Variants in TMEM50A observed in about 807,000 individuals in gnomAD.
The protein encoded by TMEM50A is transmembrane protein 50A.
Under a neutral mutation model 23.9 loss-of-function variants are expected in TMEM50A, and 8 were observed. That is an observed-to-expected ratio of 0.33 (90% CI 0.20 to 0.60). TMEM50A has a LOEUF of 0.60. Ranked by LOEUF, TMEM50A falls within the 20% of genes least tolerant of loss-of-function variation. The pLI is 0.81. For synonymous variants in TMEM50A, 55 were observed against 60.4 expected (o/e 0.91, Z 0.41); for missense variants, 178 against 192.7 (o/e 0.92, Z 0.45).
At chr1:25,338,504 T>G (rs1168217260) in intron 1 of TMEM50A, 48 bp downstream of exon 1, 1 of 152,366 alleles carries the variant, frequency 6.6e-6, no homozygotes, top group Non-Finnish European at 1.5e-5. Context: ...GGCCGCAGGC[T>G]GGAGAGGCCT....
Position 25,352,890 on chromosome 1 carries a change from A to T in TMEM50A, c.283A>T (p.Ile95Phe), listed in dbSNP as rs759721790. The change falls in exon 5 of 7, where the codon ATT (isoleucine) becomes TTT (phenylalanine). Residue 95 changes from isoleucine (I) to phenylalanine (F), a missense_variant. Ile to Phe is a conservative substitution (Grantham distance 21). Coordinates refer to ENST00000374358, the MANE Select transcript of TMEM50A (RefSeq NM_014313.4). ...EGCLGQTGAR[I>F]WLFVGFMLAF... ...ATATTATTTCTTTGAAGGTGCTCGC[A>T]TTTGGCTTTTCGTTGGTTTCATGTT... 2 of 1,613,346 alleles carry T rather than the reference A, an allele frequency of 1.2e-6. No individual in the cohort carries two copies. The highest frequency in any genetic ancestry group is 3.3e-5 in the Admixed American group (2 of 59,904).
intron 3 of TMEM50A, among the ~76,000 whole-genome samples, chr1:25,344,999 G>C (rs567847119): frequency 6.6e-6 from 1 of 151,776 alleles, no homozygotes; most frequent in African/African-American, 2.4e-5. Flanking sequence ...CCAGAAGCCC[G>C]TATCTGTCTG....
Position 25,351,519 on chromosome 1 carries a change from A to G in TMEM50A, c.207-107A>G, listed in dbSNP as rs2124253077. Reference sequence around the variant, plus strand: ...GTGAGACCCTGTATCTTTAAAAAAAAAAAAAAGACTTTCAGGCCTAACCTT... The same window carrying G: ...GTGAGACCCTGTATCTTTAAAAAAAGAAAAAAGACTTTCAGGCCTAACCTT... On this transcript the variant is annotated intron_variant, in intron 3 of 6. Transcript: ENST00000374358. 7.2e-6 allele frequency: 7 copies of G among 976,242 alleles called. No homozygotes were observed. The South Asian group carries it at 1.3e-4, about 18-fold the overall frequency. The allele number at this position is 976,242 out of a possible 1,614,324, so 60.5% of individuals were successfully genotyped here. A position where few individuals can be genotyped will look rare whatever the true frequency, so the allele number is the denominator to read the frequency against.
At chr1:25,342,893 A>G (rs1490977126) in intron 2 of TMEM50A, 68 bp from the exon 3 acceptor site, 3 of 1,310,166 alleles carry the variant, frequency 2.3e-6, no homozygotes, top group Non-Finnish European at 3.2e-6. Context: ...CCTCACTTAA[A>G]TACCTTGCTT....
At chr1:25,360,229 G>C (rs1028047618) in intron 6 of TMEM50A, among the ~76,000 whole-genome samples, 1 of 151,730 alleles carries the variant, frequency 6.6e-6, no homozygotes, top group East Asian at 1.9e-4. Flanking sequence ...GGTGCCTGTA[G>C]TCCCAGCTAC....
At chr1:25,348,457 T>A (rs1002637627) in intron 3 of TMEM50A, among the ~76,000 whole-genome samples, 2 of 152,082 alleles carry the variant, frequency 1.3e-5, no homozygotes, top group Non-Finnish European at 2.9e-5. Context: ...GAGGCCGAGG[T>A]GGAAGGATCT....
intron 4 of TMEM50A, among the ~76,000 whole-genome samples, chr1:25,352,264 G>A (rs1400400530): frequency 3.3e-5 from 5 of 152,058 alleles, no homozygotes. Context: ...GAGAGGCCAA[G>A]GCAGGCAGAT....
intron 1 of TMEM50A, among the ~76,000 whole-genome samples, 191 bp from the exon 2 acceptor site, chr1:25,340,283 T>C (rs1349254809): frequency 1.3e-5 from 2 of 152,178 alleles, no homozygotes; most frequent in Admixed American, 6.5e-5. Context: ...AATCCAGATA[T>C]TACTTTCCAA....
Position 25,360,741 on chromosome 1 carries a change from T to G in TMEM50A, c.*36T>G, listed in dbSNP as rs1645391849. ...TTTCCCACAGCACAACAGCCCTGCATGGGTTTGTTTGTTTTTTTACTGCTC... is the reference window on the plus strand; with the variant it reads ...TTTCCCACAGCACAACAGCCCTGCAGGGGTTTGTTTGTTTTTTTACTGCTC... On this transcript the variant is annotated 3_prime_UTR_variant, in exon 7 of 7. Coordinates refer to ENST00000374358, the MANE Select transcript of TMEM50A (RefSeq NM_014313.4). The G allele has an allele frequency of 6.2e-7, 1 of 1,611,804 alleles. No individual in the cohort carries two copies. The highest frequency in any genetic ancestry group is 1.3e-5 in the African/African-American group (1 of 74,862).
chr1:25,349,087 G>A (rs929352975), intron 3 of TMEM50A, among the ~76,000 whole-genome samples: 5 of 152,176 alleles, frequency 3.3e-5, no homozygotes, highest in Admixed American at 6.5e-5. Context: ...GTCTGAGCAG[G>A]GTGAAGAGGC....
At chr1:25,352,607 G>A (rs1645284752) in intron 4 of TMEM50A, among the ~76,000 whole-genome samples, 1 of 152,038 alleles carries the variant, frequency 6.6e-6, no homozygotes, top group South Asian at 2.1e-4. Context: ...GGAAGGTTGA[G>A]TATAGGTTTT....
intron 2 of TMEM50A, 88 bp downstream of exon 2, chr1:25,340,667 C>T: frequency 1.1e-6 from 1 of 943,816 alleles, no homozygotes; most frequent in Non-Finnish European, 1.6e-6. Context: ...AAAATATGTA[C>T]TATTTATTTT....
intron 3 of TMEM50A, 78 bp downstream of exon 3, chr1:25,343,151 T>TA (rs1645182167): frequency 1.8e-6 from 2 of 1,095,996 alleles, no homozygotes; most frequent in South Asian, 3.0e-5. Flanking sequence ...TGCATAGATT[T>TA]AAAATTCTAA....
rs546739698 is a variant in TMEM50A at position 25,339,106 on chromosome 1, G to A, written c.-14+650G>A. On this transcript the variant is annotated intron_variant, in intron 1 of 6. Coordinates refer to ENST00000374358, the MANE Select transcript of TMEM50A (RefSeq NM_014313.4). The stretch of plus-strand genomic sequence containing the variant: ...AGAGAAGTTAAAAATGGGAGACGTT[G>A]CTCTATTGTAGGGTGTCATATTTTT... Among the ~76,000 whole-genome samples the A allele has an allele frequency of 3.3e-5, 5 of 152,312 alleles. No homozygotes were observed. In the East Asian group the frequency reaches 9.6e-4, roughly 29 times the overall value.
intron 5 of TMEM50A, among the ~76,000 whole-genome samples, chr1:25,354,025 T>C (rs1645307008): frequency 6.6e-6 from 1 of 152,086 alleles, no homozygotes; most frequent in Non-Finnish European, 1.5e-5. Context: ...CAGGGTCTGC[T>C]CTGTCACCCA....
At chr1:25,345,231 G>A (rs536824616) in intron 3 of TMEM50A, among the ~76,000 whole-genome samples, 14 of 151,908 alleles carry the variant, frequency 9.2e-5, no homozygotes, top group Non-Finnish European at 1.6e-4. Context: ...GACCACCTGA[G>A]GTGAGGAATT....
Position 25,362,277 on chromosome 1 carries a change from G to A in TMEM50A, c.*1572G>A. The A allele has an allele frequency of 1.3e-6, 1 of 796,956 alleles. No individual in the cohort carries two copies. The highest frequency in any genetic ancestry group is 1.9e-5 in the South Asian group (1 of 53,488). 49.4% of individuals were successfully genotyped at this position (796,956 alleles called of 1,614,324 possible). On this transcript the variant is annotated 3_prime_UTR_variant, in exon 7 of 7. Coordinates refer to ENST00000374358, the MANE Select transcript of TMEM50A (RefSeq NM_014313.4). The stretch of plus-strand genomic sequence containing the variant: ...AATTAACCCAAAACTTTAATAATGT[G>A]TCTGTAACCAAGAAAATATTGATAG...
At chr1:25,354,138 A>T (rs1236555356) in intron 5 of TMEM50A, among the ~76,000 whole-genome samples, 3 of 151,994 alleles carry the variant, frequency 2.0e-5, no homozygotes, top group Non-Finnish European at 2.9e-5. Context: ...TGACGGGCGC[A>T]TGCCACCACG....
intron 3 of TMEM50A, among the ~76,000 whole-genome samples, chr1:25,349,663 C>G (rs1001036729): frequency 6.6e-6 from 1 of 152,066 alleles, no homozygotes; most frequent in Non-Finnish European, 1.5e-5. Flanking sequence ...CTATGTTGCC[C>G]AGGCTGGTCT....
Sources: allele counts gnomAD v4.1 joint callset (sites outside exome capture counted in the v4.1 genomes callset), GRCh38; gene constraint gnomAD v4.1.1; transcripts MANE v1.5; gene names NCBI Gene and HGNC (gene_info 2026-07-23, HGNC 2026-07-21).